The following SDHAF3 variants were observed in gnomAD, a reference collection of about 807,000 sequenced individuals.
SDHAF3 encodes succinate dehydrogenase assembly factor 3, mitochondrial.
A neutral mutation model predicts 11.5 loss-of-function variants in SDHAF3; 18 were observed. That is an observed-to-expected ratio of 1.56 (90% CI 1.08 to 2.32). The LOEUF (loss-of-function observed/expected upper bound fraction) is 2.32, where lower values mean the gene tolerates loss of function less well. Ranked by LOEUF, SDHAF3 falls within the 30% of genes most tolerant of loss-of-function variation. The pLI, the probability that SDHAF3 is intolerant of heterozygous loss-of-function variation, is 0.00. For synonymous variants in SDHAF3, 72 were observed against 59.3 expected, an observed-to-expected ratio of 1.21 and a Z score of -0.99; for missense variants, 200 against 154.4, an observed-to-expected ratio of 1.30 and a Z score of -1.57.
rs1047085995 is a variant in SDHAF3, at chr7:97,152,902, G to T, written c.175-28110G>T. 3.3e-5 allele frequency among the ~76,000 whole-genome samples: 5 copies of T among 152,110 alleles called. No individual in the cohort carries two copies. The East Asian group carries it at 7.7e-4, about 23-fold the overall frequency. ...TCCTGACCTCAAGCAATGGTCTCCCGCCATGCCCGCCATGGCCTCCCAAAG... is the reference window on the plus strand; with the variant it reads ...TCCTGACCTCAAGCAATGGTCTCCCTCCATGCCCGCCATGGCCTCCCAAAG... On this transcript the variant is annotated intron_variant, in intron 1 of 1. Coordinates refer to ENST00000432641, the MANE Select transcript of SDHAF3 (RefSeq NM_020186.3).
intron 1 of SDHAF3, among the ~76,000 whole-genome samples, chr7:97,165,633 C>A (rs916667128): frequency 7.2e-5 from 11 of 152,170 alleles, no homozygotes; most frequent in African/African-American, 2.2e-4. Flanking sequence ...GGATAAACCT[C>A]GGTCTGAATT....
At chr7:97,153,691 T>C (rs1023040590) in intron 1 of SDHAF3, among the ~76,000 whole-genome samples, 1 of 152,240 alleles carries the variant, frequency 6.6e-6, no homozygotes, top group Non-Finnish European at 1.5e-5. Context: ...TTCTGTAGCA[T>C]ATCCTTGCCA....
In SDHAF3 at chr7:97,117,758, T is replaced by C. The variant is rs116166316; in HGVS notation, c.35T>C (p.Leu12Ser). 6 of 1,613,882 alleles carry C rather than the reference T, an allele frequency of 3.7e-6. No homozygotes were observed. The African/African-American group carries it at 4.0e-5, about 11-fold the overall frequency. ...CGGCACGTTTCTCGAGTCCGGGCATTGTACAAGCGCGTCTTGCAGCTGCAC... is the reference window on the plus strand; with the variant it reads ...CGGCACGTTTCTCGAGTCCGGGCATCGTACAAGCGCGTCTTGCAGCTGCAC... ...PGRHVSRVRALYKRVLQLHRV... is the reference protein window; with the variant it reads ...PGRHVSRVRASYKRVLQLHRV... The change falls in exon 1 of 2, where the codon TTG (leucine) becomes TCG (serine). Residue 12 changes from leucine (L) to serine (S), a missense_variant. By Grantham distance (145) the Leu-to-Ser change is moderately radical. Transcript: ENST00000432641.
intron 1 of SDHAF3, among the ~76,000 whole-genome samples, chr7:97,150,953 AGTT>A (rs979458340): frequency 1.3e-5 from 2 of 152,090 alleles, no homozygotes; most frequent in Non-Finnish European, 2.9e-5. Flanking sequence ...CCTGGCTGTC[AGTT>A]GTTTGTTAGT....
intron 1 of SDHAF3, among the ~76,000 whole-genome samples, chr7:97,157,411 A>C (rs949038753): frequency 1.3e-5 from 2 of 152,222 alleles, no homozygotes; most frequent in African/African-American, 4.8e-5. Context: ...TCAAAACCAC[A>C]GTGAGATACC....
intron 1 of SDHAF3, among the ~76,000 whole-genome samples, chr7:97,122,291 T>C (rs1002288389): frequency 6.6e-6 from 1 of 152,212 alleles, no homozygotes; most frequent in African/African-American, 2.4e-5. Flanking sequence ...AAGTTTTTAT[T>C]TTGAATCATT....
chr7:97,149,807 G>A (rs1284639784), intron 1 of SDHAF3, among the ~76,000 whole-genome samples: 1 of 152,200 alleles, frequency 6.6e-6, no homozygotes, highest in Admixed American at 6.5e-5. Context: ...ACAATAAAGT[G>A]TGCTGCATTA....
chr7:97,160,225 C>T (rs1306064696), intron 1 of SDHAF3, among the ~76,000 whole-genome samples: 4 of 135,652 alleles, frequency 2.9e-5, no homozygotes, highest in East Asian at 2.3e-4. Flanking sequence ...GGCCGCCCAT[C>T]GTCTGGGAAG....
In SDHAF3 at chr7:97,117,798, G is replaced by T; in HGVS notation, c.75G>T (p.Pro25=). The change falls in exon 1 of 2, where the codon CCG becomes CCT. Residue 25 remains proline, a synonymous_variant. Coordinates refer to ENST00000432641, the MANE Select transcript of SDHAF3 (RefSeq NM_020186.3). The part of the protein sequence containing the change: ...RVLQLHRVLP[P]DLKSLGDQYV... ...TGCAGCTGCACCGTGTTCTGCCCCC[G>T]GACCTCAAATCCCTGGGCGACCAGT... The T allele has an allele frequency of 6.2e-7, 1 of 1,614,186 alleles. No individual in the cohort carries two copies. The highest frequency in any genetic ancestry group is 8.5e-7 in the Non-Finnish European group (1 of 1,180,038).
intron 1 of SDHAF3, among the ~76,000 whole-genome samples, chr7:97,160,011 T>G (rs369856821): frequency 6.6e-6 from 1 of 152,208 alleles, no homozygotes; most frequent in African/African-American, 2.4e-5. Flanking sequence ...AAGGATTTGT[T>G]AACAATAGGC....
intron 1 of SDHAF3, among the ~76,000 whole-genome samples, chr7:97,180,652 A>G (rs1789755572): frequency 6.6e-6 from 1 of 152,192 alleles, no homozygotes; most frequent in Non-Finnish European, 1.5e-5. Flanking sequence ...CTGTTTGAGA[A>G]TCCGTTGAAA....
intron 1 of SDHAF3, among the ~76,000 whole-genome samples, chr7:97,161,709 G>C (rs920019582): frequency 6.6e-6 from 1 of 152,042 alleles, no homozygotes; most frequent in Non-Finnish European, 1.5e-5. Context: ...TCTTGTGATA[G>C]TTTGCTGAGA....
At chr7:97,119,443 G>C (rs1486182179) in intron 1 of SDHAF3, among the ~76,000 whole-genome samples, 4 of 152,264 alleles carry the variant, frequency 2.6e-5, no homozygotes, top group Non-Finnish European at 4.4e-5. Context: ...TAGTAGGCTT[G>C]GTAACTGGGA....
At chr7:97,123,731 TTTCTC>T (rs1791533244) in intron 1 of SDHAF3, among the ~76,000 whole-genome samples, 1 of 152,184 alleles carries the variant, frequency 6.6e-6, no homozygotes, top group South Asian at 2.1e-4. Flanking sequence ...TTGATTTACA[TTTCTC>T]TAATGACCAG....
chr7:97,166,946 C>T (rs1406294564), intron 1 of SDHAF3, among the ~76,000 whole-genome samples: 1 of 152,078 alleles, frequency 6.6e-6, no homozygotes, highest in Non-Finnish European at 1.5e-5. Flanking sequence ...GTACTTTTTC[C>T]ACTATAGTGT....
chr7:97,130,287 A>T (rs1056719429), intron 1 of SDHAF3, among the ~76,000 whole-genome samples: 1 of 150,764 alleles, frequency 6.6e-6, no homozygotes. Flanking sequence ...AAAAAAAAAA[A>T]CCTTGATGTA....
chr7:97,170,366 T>C (rs1204823200), intron 1 of SDHAF3, among the ~76,000 whole-genome samples: 4 of 152,214 alleles, frequency 2.6e-5, no homozygotes, highest in African/African-American at 9.6e-5. Context: ...AAAATGTATT[T>C]TTAAAATTAG....
At chr7:97,136,541 C>G in intron 1 of SDHAF3, 1 of 548,878 alleles carries the variant, frequency 1.8e-6, no homozygotes, top group Non-Finnish European at 3.3e-6. Context: ...TCTTTACAGC[C>G]TAAATTAAGG....
intron 1 of SDHAF3, among the ~76,000 whole-genome samples, chr7:97,169,964 A>G (rs972683885): frequency 6.6e-6 from 1 of 152,152 alleles, no homozygotes; most frequent in African/African-American, 2.4e-5. Flanking sequence ...TCAGTAGTGT[A>G]TATACATTCT....
Sources: gnomAD v4.1 joint callset for allele counts (sites outside exome capture counted in the v4.1 genomes callset) on GRCh38, gnomAD v4.1.1 for gene constraint, MANE v1.5 for transcripts, NCBI Gene and HGNC (gene_info 2026-07-23, HGNC 2026-07-21) for gene names.